Variants in SEZ6L observed in about 807,000 individuals in gnomAD.
SEZ6L encodes the protein seizure related 6 homolog like, also known as seizure 6-like protein.
A neutral mutation model predicts 106.2 loss-of-function variants in SEZ6L; 37 were observed. That is an observed-to-expected ratio of 0.35 (90% confidence interval 0.27 to 0.46). The LOEUF is 0.46. Among genes scored for constraint, SEZ6L ranks in the 20% least tolerant of loss-of-function variants. The probability of loss-of-function intolerance (pLI) is 1.00; values close to 1 mark genes in which losing one functional copy is unlikely to be tolerated. For synonymous variants in SEZ6L, 541 were observed against 570.4 expected (o/e 0.95, Z 0.73); for missense variants, 1,172 against 1,332.8 (o/e 0.88, Z 1.88).
intron 1 of SEZ6L, among the ~76,000 whole-genome samples, chr22:26,197,858 G>A (rs554499898): frequency 1.1e-4 from 17 of 152,204 alleles, no homozygotes; most frequent in African/African-American, 2.2e-4. Flanking sequence ...AGAGAATGCC[G>A]CCATCCAATA....
intron 1 of SEZ6L, among the ~76,000 whole-genome samples, chr22:26,283,875 GT>G (rs2145864762): frequency 1.3e-5 from 2 of 152,234 alleles, no homozygotes; most frequent in South Asian, 4.2e-4. Flanking sequence ...TAAGATGAAG[GT>G]GCACATATGT....
At chr22:26,211,804 TAAA>T (rs56124325) in intron 1 of SEZ6L, among the ~76,000 whole-genome samples, 626 of 48,032 alleles carry the variant, frequency 0.013, 3 homozygotes, top group African/African-American at 0.051. Flanking sequence ...ACCTCGTCTC[TAAA>T]AAAAAAAAAA....
At chr22:26,272,520 A>C (rs1170828697) in intron 1 of SEZ6L, among the ~76,000 whole-genome samples, 2 of 152,196 alleles carry the variant, frequency 1.3e-5, no homozygotes, top group Non-Finnish European at 2.9e-5. Context: ...CAGACTGCAT[A>C]GGCAGGGGTG....
chr22:26,325,554 T>G (rs1198469487), intron 9 of SEZ6L, among the ~76,000 whole-genome samples: 1 of 152,208 alleles, frequency 6.6e-6, no homozygotes, highest in Non-Finnish European at 1.5e-5. Flanking sequence ...TTTCCCTACA[T>G]GATGCTTTCA....
At chr22:26,269,274 G>A (rs1454340984) in intron 1 of SEZ6L, among the ~76,000 whole-genome samples, 1 of 152,160 alleles carries the variant, frequency 6.6e-6, no homozygotes, top group Non-Finnish European at 1.5e-5. Context: ...GTCAGAATGA[G>A]GCCTAGAAAT....
At chr22:26,311,175 G>A (rs950499163) in intron 7 of SEZ6L, among the ~76,000 whole-genome samples, 6 of 152,102 alleles carry the variant, frequency 3.9e-5, no homozygotes, top group African/African-American at 1.4e-4. Flanking sequence ...TGGGTGACCG[G>A]CCCAAGACCA....
intron 12 of SEZ6L, among the ~76,000 whole-genome samples, chr22:26,362,246 T>C (rs192351904): frequency 1.9e-3 from 282 of 152,312 alleles, no homozygotes; most frequent in Middle Eastern, 3.4e-3. Flanking sequence ...CACAGAAGCG[T>C]TGGCTGCATA....
At chr22:26,179,706 C>T (rs577485187) in intron 1 of SEZ6L, among the ~76,000 whole-genome samples, 58 of 152,222 alleles carry the variant, frequency 3.8e-4, no homozygotes, top group African/African-American at 1.4e-3. Flanking sequence ...AAGAACATTC[C>T]AGGACTCTCT....
At chr22:26,316,893 AGAAAGAAAG>A (rs1411579363) in intron 9 of SEZ6L, among the ~76,000 whole-genome samples, 2 of 22,580 alleles carry the variant, frequency 8.9e-5, no homozygotes, top group African/African-American at 4.0e-4. Flanking sequence ...AGAAAGAAAG[AGAAAGAAAG>A]AAGAAAGAAA....
At chr22:26,359,406 T>C (rs937324928) in intron 12 of SEZ6L, among the ~76,000 whole-genome samples, 5 of 152,316 alleles carry the variant, frequency 3.3e-5, no homozygotes, top group Admixed American at 2.0e-4. Context: ...AGACCGGACT[T>C]GGACCACCTG....
chr22:26,325,961 C>G (rs891031240), intron 9 of SEZ6L, among the ~76,000 whole-genome samples: 1 of 151,198 alleles, frequency 6.6e-6, no homozygotes, highest in African/African-American at 2.5e-5. Context: ...ACACATTGAT[C>G]CCTCTGAGCT....
intron 1 of SEZ6L, among the ~76,000 whole-genome samples, chr22:26,262,279 T>TCTATCTAC (rs1435790584): frequency 8.6e-4 from 131 of 151,572 alleles, no homozygotes; most frequent in African/African-American, 2.9e-3. Flanking sequence ...TATCTATCTA[T>TCTATCTAC]CTATCTCTTT....
At chr22:26,293,812 T>C (rs1297846928) in intron 2 of SEZ6L, among the ~76,000 whole-genome samples, 1 of 152,264 alleles carries the variant, frequency 6.6e-6, no homozygotes, top group Non-Finnish European at 1.5e-5. Context: ...ATGTATTTTC[T>C]AGACTTGATA....
At chr22:26,372,343 A>G (rs575164298) in intron 13 of SEZ6L, among the ~76,000 whole-genome samples, 1 of 152,304 alleles carries the variant, frequency 6.6e-6, no homozygotes, top group East Asian at 1.9e-4. Context: ...TTCCATGGAC[A>G]TTCACGCACT....
intron 1 of SEZ6L, among the ~76,000 whole-genome samples, chr22:26,241,725 T>C (rs2079139743): frequency 6.6e-6 from 1 of 152,110 alleles, no homozygotes; most frequent in African/African-American, 2.4e-5. Context: ...AAACAAACAC[T>C]TCTAAAATTC....
At chr22:26,264,581 G>T (rs1268489342) in intron 1 of SEZ6L, among the ~76,000 whole-genome samples, 1 of 152,134 alleles carries the variant, frequency 6.6e-6, no homozygotes, top group Non-Finnish European at 1.5e-5. Context: ...ACAGACATTT[G>T]CCAGGGCTGG....
intron 1 of SEZ6L, among the ~76,000 whole-genome samples, chr22:26,219,900 G>A (rs545035105): frequency 2.6e-5 from 4 of 152,236 alleles, no homozygotes; most frequent in Middle Eastern, 3.4e-3. Context: ...CATGGGACAC[G>A]TTTACCTATG....
chr22:26,319,941 G>A (rs925709677), intron 9 of SEZ6L, among the ~76,000 whole-genome samples: 5 of 152,120 alleles, frequency 3.3e-5, no homozygotes, highest in African/African-American at 7.2e-5. Flanking sequence ...TATGATGCAC[G>A]TGGAGGGAAA....
intron 12 of SEZ6L, among the ~76,000 whole-genome samples, chr22:26,359,855 GGTT>G (rs917156656): frequency 6.6e-6 from 1 of 152,112 alleles, no homozygotes; most frequent in Non-Finnish European, 1.5e-5. Flanking sequence ...TGTGTCTTAG[GGTT>G]GTTGTGATAA....
Sources: allele counts gnomAD v4.1 joint callset (sites outside exome capture counted in the v4.1 genomes callset), GRCh38; gene constraint gnomAD v4.1.1; transcripts MANE v1.5; gene names NCBI Gene and HGNC (gene_info 2026-07-23, HGNC 2026-07-21).